Variants in DENND2B observed in about 807,000 individuals in gnomAD.
DENND2B encodes DENN domain containing 2B, also known as DENN domain-containing protein 2B.
Under a neutral mutation model 116.0 loss-of-function variants are expected in DENND2B, and 32 were observed. The observed-to-expected ratio is 0.28, with a 90% CI of 0.21 to 0.37. The LOEUF is 0.37. DENND2B is among the 10% of genes least tolerant of loss of function. The probability of loss-of-function intolerance (pLI) is 1.00; values close to 1 mark genes in which losing one functional copy is unlikely to be tolerated. For synonymous variants in DENND2B, 588 were observed against 583.9 expected (o/e 1.01, Z -0.10); for missense variants, 1,276 against 1,477.7 (o/e 0.86, Z 2.24).
rs566458011 is a variant in DENND2B at position 8,901,210 on chromosome 11, C to CTTTCT, written c.-256+9606_-256+9610dup. Among the ~76,000 whole-genome samples the CTTTCT allele has an allele frequency of 6.9e-3, 638 of 93,038 alleles. 54 individuals are homozygous for CTTTCT. The highest frequency in any genetic ancestry group is 0.015 in the African/African-American group (359 of 24,740). The allele number at this position is 93,038 out of a possible 152,430, so 61.0% of individuals were successfully genotyped here. ...TCTTCTTTTCCTAGTTTTTCTTTTT[C>CTTTCT]TTTCTTTTCTTTTCTTTTCTTTTTT... On this transcript the variant is annotated intron_variant, in intron 1 of 22. Transcript: ENST00000534127.
intron 3 of DENND2B, among the ~76,000 whole-genome samples, chr11:8,850,303 A>T (rs16906160): frequency 0.031 from 4,705 of 152,284 alleles, 236 homozygotes; most frequent in African/African-American, 0.11. Context: ...AAACTGCTTG[A>T]TCTGATAAGG....
intron 2 of DENND2B, among the ~76,000 whole-genome samples, chr11:8,863,019 C>T (rs936967870): frequency 3.3e-5 from 5 of 152,036 alleles, no homozygotes; most frequent in African/African-American, 1.2e-4. Context: ...TAATTCTGAT[C>T]ACTGAGCTAC....
At chr11:8,706,393 C>A (rs964136866) in intron 13 of DENND2B, among the ~76,000 whole-genome samples, 1 of 152,096 alleles carries the variant, frequency 6.6e-6, no homozygotes, top group Non-Finnish European at 1.5e-5. Flanking sequence ...CCTCTACCCC[C>A]ACCCCATCAA....
At chr11:8,774,675 A>C (rs1198033148) in intron 1 of DENND2B, among the ~76,000 whole-genome samples, 5 of 152,076 alleles carry the variant, frequency 3.3e-5, no homozygotes, top group Non-Finnish European at 7.4e-5. Context: ...GGGGCACAGC[A>C]AGTTCCCCAA....
At chr11:8,751,008 C>T (rs768283537) in intron 1 of DENND2B, among the ~76,000 whole-genome samples, 10 of 152,144 alleles carry the variant, frequency 6.6e-5, no homozygotes, top group Non-Finnish European at 1.3e-4. Flanking sequence ...CACCCTATGT[C>T]TAGCTCAGGG....
intron 3 of DENND2B, among the ~76,000 whole-genome samples, chr11:8,851,757 A>C (rs986096898): frequency 6.6e-6 from 1 of 152,228 alleles, no homozygotes; most frequent in Non-Finnish European, 1.5e-5. Context: ...ACAGGAGATT[A>C]AAGTAGATCA....
chr11:8,780,837 G>C (rs1013094581), intron 1 of DENND2B, among the ~76,000 whole-genome samples: 1 of 152,204 alleles, frequency 6.6e-6, no homozygotes, highest in Non-Finnish European at 1.5e-5. Context: ...GGGAGAGAGA[G>C]AACTGAGGTA....
At chr11:8,699,060 A>G in intron 15 of DENND2B, 86 bp from the exon 16 acceptor site, 1 of 1,574,982 alleles carries the variant, frequency 6.3e-7, no homozygotes. Flanking sequence ...CCAGGTTCCC[A>G]GGGTCAGCTA....
exon 3 of DENND2B, chr11:8,857,388 C>G (rs796445243): frequency 2.2e-4 from 33 of 152,320 alleles, no homozygotes; most frequent in African/African-American, 7.9e-4. Flanking sequence ...CTTCTAGTTT[C>G]CTCCTCAATT....
intron 7 of DENND2B, 34 bp downstream of exon 7, chr11:8,714,576 A>T: frequency 6.3e-7 from 1 of 1,592,630 alleles, no homozygotes; most frequent in Non-Finnish European, 8.6e-7. Context: ...CAAGGGCCCC[A>T]AACAGCTGAA....
At chr11:8,904,687 T>C (rs1466755145) in intron 1 of DENND2B, among the ~76,000 whole-genome samples, 2 of 152,106 alleles carry the variant, frequency 1.3e-5, no homozygotes, top group East Asian at 3.8e-4. Flanking sequence ...CACAAAAAAA[T>C]TCTTAGAACA....
chr11:8,897,318 A>G (rs2134753046), intron 1 of DENND2B, among the ~76,000 whole-genome samples: 1 of 152,286 alleles, frequency 6.6e-6, no homozygotes, highest in Non-Finnish European at 1.5e-5. Context: ...TTTATAAAGG[A>G]AAAAAATCAA....
At chr11:8,818,275 T>A (rs1456277138) in intron 4 of DENND2B, among the ~76,000 whole-genome samples, 2 of 149,288 alleles carry the variant, frequency 1.3e-5, no homozygotes, top group Non-Finnish European at 3.0e-5. Flanking sequence ...ATAATAATAA[T>A]AATAATAATA....
intron 1 of DENND2B, chr11:8,766,809 G>C (rs1565898125): frequency 1.9e-6 from 1 of 536,180 alleles, no homozygotes; most frequent in East Asian, 7.0e-5. Context: ...TGGAGAATGT[G>C]ACAGAGGACA....
intron 1 of DENND2B, among the ~76,000 whole-genome samples, chr11:8,762,376 T>A (rs1288673660): frequency 6.6e-6 from 1 of 152,100 alleles, no homozygotes; most frequent in East Asian, 1.9e-4. Context: ...CTAGATAGGG[T>A]GAACAGCAGT....
chr11:8,892,565 A>C (rs1310548655), intron 1 of DENND2B, among the ~76,000 whole-genome samples: 8 of 152,234 alleles, frequency 5.3e-5, no homozygotes, highest in Non-Finnish European at 1.2e-4. Flanking sequence ...TAAAGGGGAT[A>C]TCACCACCGA....
intron 4 of DENND2B, among the ~76,000 whole-genome samples, chr11:8,829,189 T>C (rs1201503483): frequency 1.3e-5 from 2 of 151,708 alleles, no homozygotes; most frequent in Admixed American, 1.3e-4. Flanking sequence ...GTGGTGTTTG[T>C]GTGTGTGGTA....
intron 1 of DENND2B, chr11:8,910,773 G>C (rs1274291893): frequency 6.6e-6 from 1 of 152,450 alleles, no homozygotes; most frequent in Non-Finnish European, 1.4e-5. Flanking sequence ...TACCTAGCTG[G>C]TACCCCATAA....
chr11:8,849,322 G>C (rs2568052), intron 3 of DENND2B, among the ~76,000 whole-genome samples: 1 of 151,312 alleles, frequency 6.6e-6, no homozygotes, highest in African/African-American at 2.4e-5. Flanking sequence ...GTGAAACCCC[G>C]TCTCTACTAA....
Sources: allele counts gnomAD v4.1 joint callset (sites outside exome capture counted in the v4.1 genomes callset), GRCh38; gene constraint gnomAD v4.1.1; transcripts MANE v1.5; gene names NCBI Gene and HGNC (gene_info 2026-07-23, HGNC 2026-07-21).